OOEP: variants seen among roughly 807,000 people sequenced by gnomAD.
OOEP encodes the protein oocyte-expressed protein homolog.
Under a neutral mutation model 13.7 loss-of-function variants are expected in OOEP, and 16 were observed. The ratio of observed to expected loss-of-function variants is 1.16; its 90% confidence interval spans 0.79 to 1.77. The LOEUF is 1.77. Among genes scored for constraint, OOEP ranks in the 40% most tolerant of loss-of-function variants. The probability of loss-of-function intolerance (pLI) is 0.00; values close to 1 mark genes in which losing one functional copy is unlikely to be tolerated. For synonymous variants in OOEP, 89 were observed against 77.1 expected (o/e 1.15, Z -0.81); for missense variants, 195 against 193.1 (o/e 1.01, Z -0.06).
At chr6:73,380,628 C>T (rs1370918358) in intron 2 of OOEP, among the ~76,000 whole-genome samples, 2 of 152,244 alleles carry the variant, frequency 1.3e-5, no homozygotes, top group East Asian at 1.9e-4. Context: ...GTGGTTGTTA[C>T]ATCACTATTA....
intron 2 of OOEP, among the ~76,000 whole-genome samples, chr6:73,381,940 C>A (rs1769214766): frequency 6.6e-6 from 1 of 152,058 alleles, no homozygotes; most frequent in South Asian, 2.1e-4. Context: ...GAGACTGTGC[C>A]ACTGTATTCC....
intron 2 of OOEP, among the ~76,000 whole-genome samples, chr6:73,376,150 G>C (rs1769134664): frequency 6.6e-6 from 1 of 152,102 alleles, no homozygotes; most frequent in Non-Finnish European, 1.5e-5. Flanking sequence ...TAAAATTACA[G>C]ACTATCAGAA....
At chr6:73,386,322 A>T (rs939372803) in intron 2 of OOEP, among the ~76,000 whole-genome samples, 2 of 151,156 alleles carry the variant, frequency 1.3e-5, no homozygotes, top group Non-Finnish European at 3.0e-5. Flanking sequence ...TCGAACTCCC[A>T]ACCTCAGGTG....
At chr6:73,389,944 A>G (rs1769325581) in intron 2 of OOEP, among the ~76,000 whole-genome samples, 1 of 152,212 alleles carries the variant, frequency 6.6e-6, no homozygotes, top group Admixed American at 6.5e-5. Flanking sequence ...AAAATGTTAA[A>G]TCCGCCGGGC....
upstream of OOEP, among the ~76,000 whole-genome samples, chr6:73,372,754 C>T (rs1478447525): frequency 2.0e-5 from 3 of 152,064 alleles, no homozygotes; most frequent in African/African-American, 4.8e-5. Context: ...GAACACTTTT[C>T]CCGCCATCTG....
intron 2 of OOEP, among the ~76,000 whole-genome samples, chr6:73,386,691 C>T (rs1166347881): frequency 6.6e-6 from 1 of 151,812 alleles, no homozygotes; most frequent in African/African-American, 2.4e-5. Flanking sequence ...TGCAGCCGGG[C>T]GCGGTGGCTC....
chr6:73,382,552 G>A (rs1256256283), intron 2 of OOEP, among the ~76,000 whole-genome samples: 2 of 151,638 alleles, frequency 1.3e-5, no homozygotes, highest in Non-Finnish European at 2.9e-5. Context: ...GTAGAGAGCG[G>A]GTCTCACCAT....
At chr6:73,370,685 C>G (rs1769035608), upstream of OOEP, among the ~76,000 whole-genome samples, 2 of 152,340 alleles carry the variant, frequency 1.3e-5, no homozygotes, top group African/African-American at 4.8e-5. Flanking sequence ...TGTCCTTACA[C>G]ATTTTCTACT....
At chr6:73,388,560 TC>T (rs1769305672) in intron 2 of OOEP, among the ~76,000 whole-genome samples, 1 of 152,220 alleles carries the variant, frequency 6.6e-6, no homozygotes, top group South Asian at 2.1e-4. Flanking sequence ...GAGGCTGGAA[TC>T]CCCTTCCTCC....
upstream of OOEP, among the ~76,000 whole-genome samples, chr6:73,371,234 C>G (rs1392301230): frequency 6.6e-6 from 1 of 152,184 alleles, no homozygotes; most frequent in Non-Finnish European, 1.5e-5. Flanking sequence ...TCTGAGAAAA[C>G]TTGACTATCA....
chr6:73,372,997 A>T, upstream of OOEP: 2 of 887,906 alleles, frequency 2.3e-6, no homozygotes, highest in Non-Finnish European at 3.7e-6. Context: ...AGATTCAGAG[A>T]GGAAAACACG....
At chr6:73,380,353 T>G (rs1769188842) in intron 2 of OOEP, among the ~76,000 whole-genome samples, 1 of 151,852 alleles carries the variant, frequency 6.6e-6, no homozygotes, top group South Asian at 2.1e-4. Context: ...GCTTAAGCGA[T>G]TCTCTCATCT....
exon 1 of OOEP, chr6:73,394,966 T>G: frequency 6.2e-7 from 1 of 1,614,186 alleles, no homozygotes; most frequent in Non-Finnish European, 8.5e-7. Flanking sequence ...TCGGCGAAGC[T>G]CGACAGTGTC....
intron 2 of OOEP, among the ~76,000 whole-genome samples, chr6:73,382,793 A>G (rs756683015): frequency 1.3e-4 from 19 of 151,156 alleles, no homozygotes; most frequent in African/African-American, 3.9e-4. Flanking sequence ...GCCTCAAGCA[A>G]TCCTCCTGGC....
chr6:73,394,176 T>C lies in OOEP; in HGVS notation c.25+170A>G, dbSNP rs569797003. ...GGGCAACATACTGGGAACTCCCATC[T>C]CTATTAAATTTTTTTTTTTTAATTT... On this transcript the variant is annotated intron_variant, in intron 2 of 3. Transcript: ENST00000370363. Among the ~76,000 whole-genome samples the C allele has an allele frequency of 4.6e-4, 70 of 152,142 alleles. 1 individual carries two copies. The highest frequency in any genetic ancestry group is 8.5e-4 in the Non-Finnish European group (58 of 67,996).
Position 73,369,884 on chromosome 6 carries a change from A to C in OOEP, c.-92T>G. The C allele has an allele frequency of 8.2e-7, 1 of 1,216,774 alleles. No individual in the cohort carries two copies. The highest frequency in any genetic ancestry group is 1.2e-6 in the Non-Finnish European group (1 of 854,760). The allele number at this position is 1,216,774 out of a possible 1,614,324, so 75.4% of individuals were successfully genotyped here. A position where few individuals can be genotyped will look rare whatever the true frequency, so the allele number is the denominator to read the frequency against. On this transcript the variant is annotated 5_prime_UTR_variant, in exon 1 of 3. Transcript: ENST00000370359. Reference sequence around the variant, plus strand: ...CGAAGCTCGGGCTCTCTTTTACCATATTCGACCCGCTCCGCCCCTTCCGGC... The same window carrying C: ...CGAAGCTCGGGCTCTCTTTTACCATCTTCGACCCGCTCCGCCCCTTCCGGC...
chr6:73,390,423 T>C (rs1769331039), intron 2 of OOEP, among the ~76,000 whole-genome samples: 1 of 152,154 alleles, frequency 6.6e-6, no homozygotes, highest in Non-Finnish European at 1.5e-5. Flanking sequence ...TAAAATGGCA[T>C]AGTATTTGCA....
At chr6:73,385,388 A>T (rs1201601052) in intron 2 of OOEP, among the ~76,000 whole-genome samples, 1 of 126,104 alleles carries the variant, frequency 7.9e-6, no homozygotes, top group Non-Finnish European at 1.8e-5. Context: ...CAGCATTATT[A>T]AAAAAAAAAT....
At chr6:73,382,512 G>A (rs1769224831) in intron 2 of OOEP, among the ~76,000 whole-genome samples, 3 of 150,356 alleles carry the variant, frequency 2.0e-5, no homozygotes, top group South Asian at 4.2e-4. Context: ...CACTGTGCCT[G>A]GCCACACCTG....
Sources: allele counts gnomAD v4.1 joint callset (sites outside exome capture counted in the v4.1 genomes callset), GRCh38; gene constraint gnomAD v4.1.1; transcripts MANE v1.5; gene names NCBI Gene and HGNC (gene_info 2026-07-23, HGNC 2026-07-21).